The following CLCF1 variants were observed in gnomAD, a reference collection of about 807,000 sequenced individuals.
The protein encoded by CLCF1 is cardiotrophin like cytokine factor 1.
Under a neutral mutation model 21.2 loss-of-function variants are expected in CLCF1, and 10 were observed. The observed-to-expected ratio is 0.47, with a 90% CI of 0.29 to 0.80. The LOEUF (loss-of-function observed/expected upper bound fraction) is 0.80, where lower values mean the gene tolerates loss of function less well. CLCF1 is among the 30% of genes least tolerant of loss of function. The probability of loss-of-function intolerance (pLI) is 0.09; values close to 1 mark genes in which losing one functional copy is unlikely to be tolerated. For missense variants in CLCF1, 240 were observed against 293.4 expected (o/e 0.82, Z 1.33); for synonymous variants, 115 against 120.5 (o/e 0.95, Z 0.30).
rs79442357 is a variant in CLCF1, at chr11:67,372,145, G to A, written c.16+1379C>T. 0.02 allele frequency among the ~76,000 whole-genome samples: 3,071 copies of A among 152,202 alleles called. 37 individuals carry two copies. Among genetic ancestry groups the A allele is most frequent in the East Asian group, 0.048 (250 of 5,170 alleles). ...TCGGGGTCAGTGAAAGCACAGAGGT[G>A]TCCCTGGGTTAGGGTCAGAGAAGGA... On this transcript the variant is annotated intron_variant, in intron 1 of 2. Transcript: ENST00000312438. This position sits in a 1 kb window ranked among gnomAD's most constrained non-coding sequence, Gnocchi z 5.9.
chr11:67,370,117 A>C (rs1044173158), intron 1 of CLCF1: 2 of 985,310 alleles, frequency 2.0e-6, no homozygotes, highest in African/African-American at 3.5e-5. Context: ...GAGAAAAGAA[A>C]GGGGGGGTAG....
intron 1 of CLCF1, chr11:67,368,912 C>CTTTTTTTTTTTTTTTTTTTTTTTCTTT (rs10666079): frequency 1.8e-6 from 1 of 561,548 alleles, no homozygotes; most frequent in Admixed American, 9.8e-5. Flanking sequence ...TTTTTTTTTC[C>CTTTTTTTTTTTTTTTTTTTTTTTCTTT]TTTTTTTTTT....
chr11:67,370,483 A>C (rs1480152073), intron 1 of CLCF1: 1 of 976,246 alleles, frequency 1.0e-6, no homozygotes, highest in Non-Finnish European at 1.2e-6. Flanking sequence ...CTGTGTGTTT[A>C]TAAATCCGGC....
At chr11:67,369,275 G>C (rs1253342329) in intron 1 of CLCF1, 2 of 985,300 alleles carry the variant, frequency 2.0e-6, no homozygotes, top group Non-Finnish European at 2.4e-6. Flanking sequence ...TACTAAGGGA[G>C]CGTGGCGGTG....
upstream of CLCF1, chr11:67,373,788 G>A (rs937836261): frequency 2.7e-6 from 3 of 1,091,440 alleles, no homozygotes; most frequent in African/African-American, 3.3e-5. Context: ...GGGGTAGGAG[G>A]GGGGAGGAGG....
At position 67,365,149 on chromosome 11, in the gene CLCF1, G is replaced by A. The variant is rs1275712214; in HGVS notation, c.665C>T (p.Ala222Val). ...GAAGGTCAGAAGTCAGAAGCCATGA[G>A]CCCCCAGGTGCAGGGTGACTGCAGC... ...PAAAVTLHLG[A>V]HGF Residue 222 changes from alanine (A) to valine (V), a missense_variant, in exon 3 of 3, where the codon GCT becomes GTT. Coordinates refer to ENST00000312438, the MANE Select transcript of CLCF1 (RefSeq NM_013246.3). This position sits in a 1 kb window ranked among gnomAD's most constrained non-coding sequence, Gnocchi z 5.0. 7 of 1,610,296 alleles carry A rather than the reference G, an allele frequency of 4.3e-6. No individual in the cohort carries two copies. The highest frequency in any genetic ancestry group is 2.2e-5 in the East Asian group (1 of 44,882).
At chr11:67,371,633 G>A (rs1018814921) in intron 1 of CLCF1, among the ~76,000 whole-genome samples, 1 of 152,190 alleles carries the variant, frequency 6.6e-6, no homozygotes, top group African/African-American at 2.4e-5. Flanking sequence ...GGCCAGCGGG[G>A]AGCCAGGGGG....
chr11:67,370,547 A>ACCCCCCATCCTGGCCCCCC (rs1247097046), intron 1 of CLCF1: 1 of 955,016 alleles, frequency 1.0e-6, no homozygotes, highest in Admixed American at 7.5e-5. Context: ...ACAGCCCCCC[A>ACCCCCCATCCTGGCCCCCC]CCCCCGGCCA....
intron 1 of CLCF1, 33 bp from the exon 2 acceptor site, chr11:67,367,659 G>C: frequency 6.2e-7 from 1 of 1,604,484 alleles, no homozygotes; most frequent in Non-Finnish European, 8.5e-7. Flanking sequence ...GCATGAGCGC[G>C]GCCCGGGCCC....
rs1862282784 is a variant in CLCF1, at chr11:67,373,528, T to C, written c.12A>G (p.Arg4=). ...CCTCGGCCGCCTGGCTCCTACCTGC[T>C]CGGAGGTCCATGGGGCTGGGGCCGG... The part of the protein sequence containing the change: MDL[R]AGDSWGMLAC... The change falls in exon 1 of 3, where the codon CGA becomes CGG. Residue 4 remains arginine, a synonymous_variant. Coordinates refer to ENST00000312438, the MANE Select transcript of CLCF1 (RefSeq NM_013246.3). The C allele has an allele frequency of 1.4e-6, 2 of 1,431,254 alleles. No individual in the cohort carries two copies. Among genetic ancestry groups the C allele is most frequent in the South Asian group, 1.4e-5 (1 of 72,956 alleles). 88.7% of individuals were successfully genotyped at this position (1,431,254 alleles called of 1,614,324 possible).
At chr11:67,373,485 G>T in intron 1 of CLCF1, 39 bp downstream of exon 1, 2 of 1,115,066 alleles carry the variant, frequency 1.8e-6, no homozygotes, top group Non-Finnish European at 1.3e-6. Context: ...TGGCTGCTTG[G>T]CGGGGCGGGG....
chr11:67,364,894 G>T lies in CLCF1; in HGVS notation c.*242C>A. ...AACCTGAACCACTTCACACTCCCTCGAGCATGACTTCCTGTAGAAACAGGA... is the reference window on the plus strand; with the variant it reads ...AACCTGAACCACTTCACACTCCCTCTAGCATGACTTCCTGTAGAAACAGGA... On this transcript the variant is annotated 3_prime_UTR_variant, in exon 3 of 3. Coordinates refer to ENST00000312438, the MANE Select transcript of CLCF1 (RefSeq NM_013246.3). The T allele has an allele frequency of 5.0e-6, 3 of 599,128 alleles. No individual in the cohort carries two copies. Among genetic ancestry groups the T allele is most frequent in the East Asian group, 6.1e-5 (2 of 32,552 alleles). 37.1% of individuals were successfully genotyped at this position (599,128 alleles called of 1,614,324 possible).
intron 1 of CLCF1, chr11:67,370,265 G>A (rs964297391): frequency 3.2e-5 from 32 of 985,148 alleles, no homozygotes; most frequent in African/African-American, 3.5e-5. Flanking sequence ...AACACAGCTC[G>A]CCTGCCTCCT....
At position 67,365,260 on chromosome 11, in the gene CLCF1, A is replaced by AAGTC. The variant is rs781608807; in HGVS notation, c.550_553dup (p.Phe185Ter). Reference sequence around the variant, plus strand: ...GGTCTGCAGCTCCTTCAGCAGCCAGAAGTCGTCCATCTTCTGGAGGAAGTC... The same window carrying AAGTC: ...GGTCTGCAGCTCCTTCAGCAGCCAGAAGTCAGTCGTCCATCTTCTGGAGGAAGTC... On this transcript the variant is annotated stop_gained and frameshift_variant, in exon 3 of 3. Coordinates refer to ENST00000312438, the MANE Select transcript of CLCF1 (RefSeq NM_013246.3). LOFTEE classifies it high-confidence loss of function. The surrounding 1 kb of genome is among the most constrained non-coding windows in gnomAD (Gnocchi z 5.0). 2 of 1,614,006 alleles carry AAGTC rather than the reference A, an allele frequency of 1.2e-6. No homozygotes were observed. The highest frequency in any genetic ancestry group is 1.7e-6 in the Non-Finnish European group (2 of 1,180,034).
chr11:67,368,912 CTT>C (rs10666079), intron 1 of CLCF1: 5,504 of 674,866 alleles, frequency 8.2e-3, no homozygotes, highest in Middle Eastern at 9.6e-3. Context: ...TTTTTTTTTC[CTT>C]TTTTTTTTTT....
chr11:67,367,323 G>C (rs1862131838), intron 2 of CLCF1, 137 bp downstream of exon 2: 2 of 1,365,112 alleles, frequency 1.5e-6, no homozygotes, highest in Non-Finnish European at 2.1e-6. Context: ...GCAGGAGATA[G>C]ACCAGACAGG....
rs944669731 is a variant in CLCF1 at position 67,364,963 on chromosome 11, T to C, written c.*173A>G. 2 of 996,660 alleles carry C rather than the reference T, an allele frequency of 2.0e-6. No individual in the cohort carries two copies. Among genetic ancestry groups the C allele is most frequent in the African/African-American group, 3.2e-5 (2 of 61,756 alleles). The allele number at this position is 996,660 out of a possible 1,614,324, so 61.7% of individuals were successfully genotyped here. On this transcript the variant is annotated 3_prime_UTR_variant, in exon 3 of 3. Transcript: ENST00000312438. ...ACCTCCTCCCCAGCTCGGTAGACCT[T>C]TGGGAGGTGGGGAGGAGACAGGGCT...
intron 1 of CLCF1, chr11:67,371,130 G>T: frequency 3.1e-6 from 3 of 967,052 alleles, no homozygotes; most frequent in Non-Finnish European, 3.7e-6. Context: ...TGCCCCAGGG[G>T]CGTGTCCTGA....
chr11:67,373,616 G>A (rs1171733504), upstream of CLCF1: 11 of 1,284,956 alleles, frequency 8.6e-6, no homozygotes, highest in South Asian at 2.4e-5. Context: ...CGCGGCTCCG[G>A]CGAAGCTTTA....
Sources: gnomAD v4.1 joint callset for allele counts (sites outside exome capture counted in the v4.1 genomes callset) on GRCh38, gnomAD v4.1.1 for gene constraint, Gnocchi (gnomAD v3.1) non-coding constraint, MANE v1.5 for transcripts, NCBI Gene and HGNC (gene_info 2026-07-23, HGNC 2026-07-21) for gene names.